MFSD12: variants seen among roughly 807,000 people sequenced by gnomAD.
The protein encoded by MFSD12 is major facilitator superfamily domain-containing protein 12.
In MFSD12, 67 loss-of-function variants were observed where a neutral mutation model predicts 51.2. That is an observed-to-expected ratio of 1.31 (90% CI 1.08 to 1.60). The LOEUF is 1.60. MFSD12 is among the 40% of genes most tolerant of loss of function. MFSD12 has a pLI of 0.00. For synonymous variants in MFSD12, 441 were observed against 316.7 expected (o/e 1.39, Z -4.17); for missense variants, 921 against 673.0 (o/e 1.37, Z -4.08).
In MFSD12 at chr19:3,554,648, C is replaced by T. The variant is rs548852155; in HGVS notation, c.298+2458G>A. Among the ~76,000 whole-genome samples, 5 of 152,300 alleles carry T rather than the reference C, an allele frequency of 3.3e-5. No individual in the cohort carries two copies. In the South Asian group the frequency reaches 1.0e-3, roughly 32 times the overall value. On this transcript the variant is annotated intron_variant, in intron 1 of 9. Transcript: ENST00000355415. ...GCCCCTCCACACACTGCTACCCATC[C>T]GTCAAAACCTCAAAGTTAATGTCCT...
At chr19:3,546,205 C>T (rs373054272) in intron 7 of MFSD12, 37 bp from the exon 8 acceptor site, 132 of 1,608,976 alleles carry the variant, frequency 8.2e-5, no homozygotes, top group East Asian at 6.7e-4. Context: ...GCGTGCACCC[C>T]GAGATCTAGG....
Position 3,553,772 on chromosome 19 carries a change from C to G in MFSD12, c.299-2578G>C, listed in dbSNP as rs1235217134. On this transcript the variant is annotated intron_variant, in intron 1 of 9. Transcript: ENST00000355415. Reference sequence around the variant, plus strand: ...AAAAAAACAATGAAAAGAAATGAAACAGAGAAAGAAAGGAAAAGAAAAGAA... The same window carrying G: ...AAAAAAACAATGAAAAGAAATGAAAGAGAGAAAGAAAGGAAAAGAAAAGAA... Among the ~76,000 whole-genome samples the G allele has an allele frequency of 2.2e-4, 26 of 117,842 alleles. No homozygotes were observed. The Admixed American group carries it at 2.4e-3, about 11-fold the overall frequency. 77.3% of individuals were successfully genotyped at this position (117,842 alleles called of 152,430 possible). A position where few individuals can be genotyped will look rare whatever the true frequency, so the allele number is the denominator to read the frequency against.
intron 8 of MFSD12, 72 bp from the exon 9 acceptor site, chr19:3,545,011 C>CT: frequency 6.6e-7 from 1 of 1,512,428 alleles, no homozygotes; most frequent in Admixed American, 2.0e-5. Flanking sequence ...GAACCTGTGC[C>CT]TCCCCTCACC....
rs375821237 is a variant in MFSD12, at chr19:3,546,143, G to A, written c.1220C>T (p.Ser407Phe). The change falls in exon 8 of 10, where the codon TCC (serine) becomes TTC (phenylalanine). Residue 407 changes from serine to phenylalanine, a missense_variant. Ser to Phe is a radical substitution (Grantham distance 155). Transcript: ENST00000355415. ...GGCCACCTTATCCAAGAAGCTCATG[G>A]AGCCGTACACGAACGCTCCGCTGTT... ...HTNSGAFVYGSMSFLDKVANG... is the reference protein window; with the variant it reads ...HTNSGAFVYGFMSFLDKVANG... 120 of 1,613,160 alleles carry A rather than the reference G, an allele frequency of 7.4e-5. No homozygotes were observed. Among genetic ancestry groups the A allele is most frequent in the Non-Finnish European group, 3.9e-5 (46 of 1,180,010 alleles).
intron 1 of MFSD12, among the ~76,000 whole-genome samples, chr19:3,553,357 C>T (rs559122142): frequency 6.6e-6 from 1 of 151,962 alleles, no homozygotes; most frequent in East Asian, 1.9e-4. Context: ...TAATCAATCC[C>T]AGCACTTTGG....
At chr19:3,553,532 A>C (rs1385331082) in intron 1 of MFSD12, among the ~76,000 whole-genome samples, 2 of 149,302 alleles carry the variant, frequency 1.3e-5, no homozygotes, top group Non-Finnish European at 3.0e-5. Context: ...ACTTTGGGAG[A>C]CCGAGGCGGG....
At chr19:3,547,587 G>A in intron 4 of MFSD12, 40 bp from the exon 5 acceptor site, 4 of 1,554,112 alleles carry the variant, frequency 2.6e-6, no homozygotes, top group African/African-American at 2.7e-5. Context: ...GGGGTCAGGA[G>A]GGCCTTCTCC....
chr19:3,554,756 G>A (rs1292238427), intron 1 of MFSD12, among the ~76,000 whole-genome samples: 1 of 152,224 alleles, frequency 6.6e-6, no homozygotes, highest in Non-Finnish European at 1.5e-5. Flanking sequence ...GGATTGTGGG[G>A]GAGCTCCCCA....
chr19:3,543,096 A>C, downstream of MFSD12: 1 of 1,551,478 alleles, frequency 6.4e-7, no homozygotes, highest in Non-Finnish European at 8.7e-7. Flanking sequence ...GGGCTGAAGG[A>C]CAGACTCCAA....
chr19:3,551,283 C>A lies in MFSD12; in HGVS notation c.299-89G>T. 9.2e-7 allele frequency: 1 copy of A among 1,085,580 alleles called. No individual in the cohort carries two copies. Among genetic ancestry groups the A allele is most frequent in the Non-Finnish European group, 1.3e-6 (1 of 766,634 alleles). The allele number at this position is 1,085,580 out of a possible 1,614,324, so 67.2% of individuals were successfully genotyped here. A position where few individuals can be genotyped will look rare whatever the true frequency, so the allele number is the denominator to read the frequency against. On this transcript the variant is annotated intron_variant, in intron 1 of 9. Transcript: ENST00000355415. This position sits in a 1 kb window ranked among gnomAD's most constrained non-coding sequence, Gnocchi z 4.6. ...GACATGGAGGGAGGAGAGAGGGAAA[C>A]TGAGGCACAGATGGAGACGCCCCCC...
downstream of MFSD12, chr19:3,544,019 T>C: frequency 6.6e-7 from 1 of 1,522,184 alleles, no homozygotes; most frequent in South Asian, 1.2e-5. Context: ...AAAGGCATGC[T>C]ACCAGGATGC....
At chr19:3,549,307 G>T (rs72976627) in intron 2 of MFSD12, among the ~76,000 whole-genome samples, 174 of 152,314 alleles carry the variant, frequency 1.1e-3, no homozygotes, top group Non-Finnish European at 2.2e-3. Context: ...AGCAGCAGCT[G>T]TAAGTCCACC....
Position 3,547,380 on chromosome 19 carries a change from C to T in MFSD12, c.931-16G>A. 6.2e-7 allele frequency: 1 copy of T among 1,613,028 alleles called. No individual in the cohort carries two copies. The highest frequency in any genetic ancestry group is 8.5e-7 in the Non-Finnish European group (1 of 1,179,762). On this transcript the variant is annotated splice_polypyrimidine_tract_variant and intron_variant, in intron 5 of 9. Coordinates refer to ENST00000355415, the MANE Select transcript of MFSD12 (RefSeq NM_174983.5). ...CGATGAACTTCTGCGGAGGCAGAGCCAGGCATGCCGTGTCAGTCATGGCTC... is the reference window on the plus strand; with the variant it reads ...CGATGAACTTCTGCGGAGGCAGAGCTAGGCATGCCGTGTCAGTCATGGCTC...
At chr19:3,540,940 G>A (rs1200359503), downstream of MFSD12, among the ~76,000 whole-genome samples, 2 of 151,780 alleles carry the variant, frequency 1.3e-5, no homozygotes, top group Non-Finnish European at 2.9e-5. Flanking sequence ...GGAGGCCGAG[G>A]CGGGTGGATC....
downstream of MFSD12, among the ~76,000 whole-genome samples, chr19:3,540,979 G>A (rs1466368554): frequency 2.6e-5 from 4 of 151,566 alleles, no homozygotes; most frequent in African/African-American, 4.8e-5. Flanking sequence ...GACCAACCTG[G>A]CCAAGGTAGT....
downstream of MFSD12, among the ~76,000 whole-genome samples, chr19:3,540,852 C>A (rs2030333909): frequency 7.8e-6 from 1 of 128,666 alleles, no homozygotes. Context: ...GGACTTCAGC[C>A]CAGAGCGAAA....
rs943065655 is a variant in MFSD12, at chr19:3,551,436, C to T, written c.299-242G>A. Among the ~76,000 whole-genome samples the T allele has an allele frequency of 8.5e-5, 13 of 152,180 alleles. No individual in the cohort carries two copies. Among genetic ancestry groups the T allele is most frequent in the African/African-American group, 2.4e-4 (10 of 41,444 alleles). ...AGCCTGCAAGTCAGAAGAAGCCAGG[C>T]GCAGGGGGTCCCCCGGAAACCTGCC... On this transcript the variant is annotated intron_variant, in intron 1 of 9. Transcript: ENST00000355415. The surrounding 1 kb of genome is among the most constrained non-coding windows in gnomAD (Gnocchi z 4.6).
Position 3,546,149 on chromosome 19 carries a change from T to C in MFSD12, c.1214A>G (p.Tyr405Cys), listed in dbSNP as rs766310216. The C allele has an allele frequency of 8.7e-6, 14 of 1,613,082 alleles. No homozygotes were observed. The highest frequency in any genetic ancestry group is 2.2e-5 in the East Asian group (1 of 44,906). ...CTTATCCAAGAAGCTCATGGAGCCG[T>C]ACACGAACGCTCCGCTGTTCTGTGG... is the stretch of plus-strand genomic sequence containing the variant. ...GPHTNSGAFV[Y>C]GSMSFLDKVA... Residue 405 changes from tyrosine (Y) to cysteine (C), a missense_variant, in exon 8 of 10, where the codon TAC becomes TGC. Physicochemically the swap from Tyr to Cys is radical, Grantham distance 194. Transcript: ENST00000355415.
chr19:3,543,487 C>CCG (rs2030623007), downstream of MFSD12: 1 of 1,519,526 alleles, frequency 6.6e-7, no homozygotes. Context: ...AGTGCCCCCC[C>CCG]CCCCGCCCTG....
Sources: gnomAD v4.1 joint callset for allele counts (sites outside exome capture counted in the v4.1 genomes callset) on GRCh38, gnomAD v4.1.1 for gene constraint, Gnocchi (gnomAD v3.1) non-coding constraint, MANE v1.5 for transcripts, NCBI Gene and HGNC (gene_info 2026-07-23, HGNC 2026-07-21) for gene names.